Variants in MRPS9 observed in about 807,000 individuals in gnomAD.
MRPS9 encodes small ribosomal subunit protein uS9m.
MRPS9 carries 45 observed loss-of-function variants against 59.9 expected under a neutral mutation model. The ratio of observed to expected loss-of-function variants is 0.75; its 90% CI spans 0.59 to 0.96. MRPS9 has a LOEUF of 0.96. Among genes scored for constraint, MRPS9 ranks in the 40% least tolerant of loss-of-function variants. MRPS9 has a pLI of 0.00. For missense variants in MRPS9, 473 were observed against 481.1 expected (o/e 0.98, Z 0.16); for synonymous variants, 171 against 166.8 (o/e 1.03, Z -0.19).
At chr2:105,050,554 C>T (rs971974446) in intron 2 of MRPS9, among the ~76,000 whole-genome samples, 10 of 152,054 alleles carry the variant, frequency 6.6e-5, no homozygotes, top group Non-Finnish European at 1.2e-4. Context: ...GGATATTTTC[C>T]ATAAAGAGAT....
intron 2 of MRPS9, among the ~76,000 whole-genome samples, chr2:105,050,951 G>A (rs1245883289): frequency 4.6e-5 from 7 of 152,122 alleles, no homozygotes; most frequent in Admixed American, 3.9e-4. Context: ...AATAGTTTTC[G>A]ATTGTATGGA....
At chr2:105,089,693 A>G (rs1193319363) in intron 6 of MRPS9, among the ~76,000 whole-genome samples, 2 of 152,200 alleles carry the variant, frequency 1.3e-5, no homozygotes, top group Admixed American at 1.3e-4. Flanking sequence ...TGAGTTCCAT[A>G]GTGGCATATT....
chr2:105,092,620 A>G (rs559689261), intron 8 of MRPS9, 51 bp downstream of exon 8: 2 of 1,378,246 alleles, frequency 1.5e-6, no homozygotes, highest in Middle Eastern at 1.9e-4. Flanking sequence ...TTGAAAAACT[A>G]CAATTATTTT....
At chr2:105,044,179 C>T (rs1409137368) in intron 1 of MRPS9, among the ~76,000 whole-genome samples, 3 of 151,530 alleles carry the variant, frequency 2.0e-5, no homozygotes, top group Non-Finnish European at 4.4e-5. Context: ...TTGATCCGCC[C>T]ACTTCGGCCT....
chr2:105,054,574 A>G (rs1199922470), intron 2 of MRPS9, among the ~76,000 whole-genome samples: 1 of 152,082 alleles, frequency 6.6e-6, no homozygotes, highest in African/African-American at 2.4e-5. Context: ...TATTAAATAT[A>G]GCGGACCCCT....
chr2:105,083,673 T>C (rs1239406019), intron 5 of MRPS9, among the ~76,000 whole-genome samples: 1 of 152,174 alleles, frequency 6.6e-6, no homozygotes, highest in Non-Finnish European at 1.5e-5. Flanking sequence ...TTCTGCAGAA[T>C]ACAGACTGTG....
rs753508517 is a variant in MRPS9, at chr2:105,089,073, A to C, written c.575+4A>C. On this transcript the variant is annotated splice_donor_region_variant and intron_variant, in intron 6 of 10. Transcript: ENST00000258455. ...TCCCAGAAAAAACTGTAACCAGGTAAGCTCTTTTCTTGCATTAAAATATAA... is the reference window on the plus strand; with the variant it reads ...TCCCAGAAAAAACTGTAACCAGGTACGCTCTTTTCTTGCATTAAAATATAA... 1.2e-6 allele frequency: 2 copies of C among 1,600,542 alleles called. No homozygotes were observed. The highest frequency in any genetic ancestry group is 3.5e-5 in the Admixed American group (2 of 57,652).
chr2:105,052,181 T>C (rs73945008), intron 2 of MRPS9, among the ~76,000 whole-genome samples: 31,462 of 152,132 alleles, frequency 0.21, 3,334 homozygotes, highest in Middle Eastern at 0.35. Flanking sequence ...CAAGAGTGGA[T>C]GTCCCAATTT....
rs368436190 is a variant in MRPS9 at position 105,038,389 on chromosome 2, GCGTGCAGTAGC to G, written c.135+165_135+175del. ...GTTGGGGGGGAGGAGGTGGGTATTGGCGTGCAGTAGCCGCTCTAGAGGTTGTTACTTGTTTT... is the reference window on the plus strand; with the variant it reads ...GTTGGGGGGGAGGAGGTGGGTATTGGCGCTCTAGAGGTTGTTACTTGTTTT... On this transcript the variant is annotated intron_variant, in intron 1 of 10. Transcript: ENST00000258455. The G allele has an allele frequency of 9.8e-3, 8,178 of 835,578 alleles. 70 individuals carry two copies. The highest frequency in any genetic ancestry group is 0.013 in the Non-Finnish European group (6,906 of 549,068). The allele number at this position is 835,578 out of a possible 1,614,324, so 51.8% of individuals were successfully genotyped here.
Position 105,089,078 on chromosome 2 carries a change from T to C in MRPS9, c.575+9T>C, listed in dbSNP as rs1265346533. On this transcript the variant is annotated intron_variant, in intron 6 of 10. Transcript: ENST00000258455. ...GAAAAAACTGTAACCAGGTAAGCTC[T>C]TTTCTTGCATTAAAATATAAGTAAA... is the stretch of plus-strand genomic sequence containing the variant. 2 of 1,589,744 alleles carry C rather than the reference T, an allele frequency of 1.3e-6. No homozygotes were observed. Among genetic ancestry groups the C allele is most frequent in the Middle Eastern group, 3.4e-4 (2 of 5,938 alleles).
chr2:105,095,446 C>T (rs12617795), intron 9 of MRPS9, among the ~76,000 whole-genome samples: 29,977 of 150,186 alleles, frequency 0.2, 3,109 homozygotes, highest in Middle Eastern at 0.35. Flanking sequence ...GCCAGATGGT[C>T]GAGGTAAATG....
chr2:105,063,093 T>G (rs1679935334), intron 2 of MRPS9, among the ~76,000 whole-genome samples: 1 of 152,120 alleles, frequency 6.6e-6, no homozygotes, highest in African/African-American at 2.4e-5. Context: ...TAGAACATGG[T>G]TGCTTCTTTT....
intron 5 of MRPS9, among the ~76,000 whole-genome samples, chr2:105,088,719 A>G (rs1020164575): frequency 2.7e-4 from 41 of 152,092 alleles, no homozygotes; most frequent in Non-Finnish European, 8.8e-5. Flanking sequence ...AAATTTTTAT[A>G]GAGTTATTTT....
At chr2:105,051,754 T>G (rs1368453763) in intron 2 of MRPS9, among the ~76,000 whole-genome samples, 1 of 152,076 alleles carries the variant, frequency 6.6e-6, no homozygotes, top group Non-Finnish European at 1.5e-5. Context: ...AATTTGGCAC[T>G]TTTTTGTTAA....
At chr2:105,067,611 C>A (rs1208613120) in intron 2 of MRPS9, among the ~76,000 whole-genome samples, 1 of 152,058 alleles carries the variant, frequency 6.6e-6, no homozygotes, top group Non-Finnish European at 1.5e-5. Context: ...TGTTGGTGAT[C>A]CTTGCCTGAA....
rs555697395 is a variant in MRPS9 at position 105,084,519 on chromosome 2, C to T, written c.489+4457C>T. Among the ~76,000 whole-genome samples, 60 of 152,184 alleles carry T rather than the reference C, an allele frequency of 3.9e-4. 1 individual carries two copies. The highest frequency in any genetic ancestry group is 5.5e-4 in the African/African-American group (23 of 41,550). On this transcript the variant is annotated intron_variant, in intron 5 of 10. Coordinates refer to ENST00000258455, the MANE Select transcript of MRPS9 (RefSeq NM_182640.3). The stretch of plus-strand genomic sequence containing the variant: ...AGACTCTTAGCAGAAGTCCTGGGGA[C>T]GGAGTATCACAGAATTCTTACTTAG...
At chr2:105,089,817 C>A in intron 6 of MRPS9, 103 bp from the exon 7 acceptor site, 2 of 720,168 alleles carry the variant, frequency 2.8e-6, no homozygotes, top group Non-Finnish European at 4.5e-6. Context: ...AATATAAAAA[C>A]TGATTTTCAA....
At chr2:105,069,277 C>T (rs979903153) in intron 2 of MRPS9, among the ~76,000 whole-genome samples, 1 of 149,396 alleles carries the variant, frequency 6.7e-6, no homozygotes, top group Non-Finnish European at 1.5e-5. Context: ...TGCAATGGCG[C>T]GATCTCAGCT....
At chr2:105,071,550 A>G (rs1007676549) in intron 4 of MRPS9, 61 bp downstream of exon 4, 22 of 1,522,774 alleles carry the variant, frequency 1.4e-5, no homozygotes, top group Admixed American at 3.5e-5. Context: ...GTGTTAGGTT[A>G]TGTATCAGCG....
Sources: allele counts gnomAD v4.1 joint callset (sites outside exome capture counted in the v4.1 genomes callset), GRCh38; gene constraint gnomAD v4.1.1; transcripts MANE v1.5; gene names NCBI Gene and HGNC (gene_info 2026-07-23, HGNC 2026-07-21).